The following CCDC15 variants were observed in gnomAD, a reference collection of about 807,000 sequenced individuals.
CCDC15 encodes coiled-coil domain containing 15.
Under a neutral mutation model 114.5 loss-of-function variants are expected in CCDC15, and 105 were observed. The observed-to-expected ratio is 0.92, with a 90% CI of 0.78 to 1.08. CCDC15 has a LOEUF of 1.08. Among genes scored for constraint, CCDC15 ranks in the 50% least tolerant of loss-of-function variants. The probability of loss-of-function intolerance (pLI) is 0.00; values close to 1 mark genes in which losing one functional copy is unlikely to be tolerated. For synonymous variants in CCDC15, 334 were observed against 377.8 expected, an observed-to-expected ratio of 0.88 and a Z score of 1.34; for missense variants, 1,105 against 1,093.6, an observed-to-expected ratio of 1.01 and a Z score of -0.15.
intron 13 of CCDC15, among the ~76,000 whole-genome samples, chr11:125,029,082 C>T (rs547104264): frequency 2.6e-5 from 4 of 152,218 alleles, no homozygotes; most frequent in Non-Finnish European, 4.4e-5. Flanking sequence ...GAGGCTAGGC[C>T]GGTCTTTCTT....
intron 4 of CCDC15, among the ~76,000 whole-genome samples, chr11:124,962,765 A>G (rs1947691544): frequency 6.6e-6 from 1 of 152,036 alleles, no homozygotes; most frequent in Admixed American, 6.6e-5. Context: ...TGTCATTTAC[A>G]TGAGGTATTT....
At position 124,986,667 on chromosome 11, in the gene CCDC15, CTGTGTG is replaced by C. The variant is rs146292043; in HGVS notation, c.754-57_754-52del. ...TTCTTCCTATAATAGCTACATGGTG[CTGTGTG>C]TGTGTGTGTGTGTGTGTTTGTGTGT... On this transcript the variant is annotated intron_variant, in intron 6 of 15. Transcript: ENST00000344762. 1.9e-4 allele frequency: 211 copies of C among 1,088,396 alleles called. 3 individuals carry two copies. The highest frequency in any genetic ancestry group is 2.3e-4 in the Non-Finnish European group (186 of 821,472). The allele number at this position is 1,088,396 out of a possible 1,614,324, so 67.4% of individuals were successfully genotyped here. A position where few individuals can be genotyped will look rare whatever the true frequency, so the allele number is the denominator to read the frequency against.
At chr11:125,015,192 C>T (rs1198333326) in intron 13 of CCDC15, among the ~76,000 whole-genome samples, 1 of 152,030 alleles carries the variant, frequency 6.6e-6, no homozygotes, top group African/African-American at 2.4e-5. Context: ...AACCTTCCAT[C>T]TTAAGCTTGG....
At chr11:124,966,653 T>C (rs923798919) in intron 4 of CCDC15, among the ~76,000 whole-genome samples, 1 of 152,232 alleles carries the variant, frequency 6.6e-6, no homozygotes, top group Non-Finnish European at 1.5e-5. Context: ...TTAAGGTTAA[T>C]ATTGTTATGT....
intron 12 of CCDC15, among the ~76,000 whole-genome samples, chr11:125,004,253 C>CT (rs1022403514): frequency 3.6e-4 from 54 of 148,632 alleles, no homozygotes; most frequent in African/African-American, 1.0e-3. Context: ...TTATGGCTTT[C>CT]TTTTTTTTTT....
chr11:124,972,478 C>T (rs965195585), intron 4 of CCDC15, among the ~76,000 whole-genome samples: 2 of 152,136 alleles, frequency 1.3e-5, no homozygotes, highest in African/African-American at 4.8e-5. Flanking sequence ...TGAATTATTG[C>T]ATAATTTAAT....
intron 13 of CCDC15, among the ~76,000 whole-genome samples, chr11:125,025,667 AT>A (rs1258677622): frequency 6.6e-6 from 1 of 152,012 alleles, no homozygotes; most frequent in African/African-American, 2.4e-5. Flanking sequence ...CTTTCAAAGA[AT>A]TTGTCATTTC....
chr11:125,017,217 A>G (rs1948634481), intron 13 of CCDC15, among the ~76,000 whole-genome samples: 1 of 152,176 alleles, frequency 6.6e-6, no homozygotes, highest in Non-Finnish European at 1.5e-5. Context: ...TTTAGCAGCT[A>G]TTTATTGAGC....
In CCDC15 at chr11:124,960,052, C is replaced by T. The variant is rs1947631646; in HGVS notation, c.516+49C>T. On this transcript the variant is annotated intron_variant, in intron 4 of 15. Transcript: ENST00000344762. The stretch of plus-strand genomic sequence containing the variant: ...TATGTCTATGATATTTTCCCTATCC[C>T]CTAAACTATAAATATGACATCTAGG... The T allele has an allele frequency of 3.5e-6, 5 of 1,409,724 alleles. No individual in the cohort carries two copies. In the East Asian group the frequency reaches 1.3e-4, roughly 35 times the overall value. 87.3% of individuals were successfully genotyped at this position (1,409,724 alleles called of 1,614,324 possible).
At chr11:124,994,150 G>A (rs1482021627) in intron 11 of CCDC15, among the ~76,000 whole-genome samples, 1 of 152,162 alleles carries the variant, frequency 6.6e-6, no homozygotes, top group Non-Finnish European at 1.5e-5. Flanking sequence ...GTATCTTTTA[G>A]AACTTATACA....
chr11:124,984,437 C>A (rs1259324594), intron 6 of CCDC15, among the ~76,000 whole-genome samples: 1 of 152,090 alleles, frequency 6.6e-6, no homozygotes, highest in Admixed American at 6.5e-5. Context: ...TAAAACTGGC[C>A]CTGTCTCACG....
At chr11:125,034,875 G>T (rs1948765560) in intron 13 of CCDC15, among the ~76,000 whole-genome samples, 1 of 151,916 alleles carries the variant, frequency 6.6e-6, no homozygotes, top group Non-Finnish European at 1.5e-5. Context: ...TATTACTCAG[G>T]ATTCTCTAGA....
chr11:125,006,751 T>G (rs531465262), intron 13 of CCDC15, among the ~76,000 whole-genome samples: 1 of 152,198 alleles, frequency 6.6e-6, no homozygotes, highest in Non-Finnish European at 1.5e-5. Context: ...TGTCCAGTTG[T>G]TCCAGCACCA....
intron 1 of CCDC15, 82 bp from the exon 2 acceptor site, chr11:124,954,642 G>A (rs1194734373): frequency 2.5e-6 from 3 of 1,217,850 alleles, no homozygotes; most frequent in East Asian, 2.4e-5. Context: ...TCCTTTTCAC[G>A]GGCCTGTGGC....
intron 13 of CCDC15, among the ~76,000 whole-genome samples, chr11:125,016,920 C>A (rs1948632864): frequency 6.6e-6 from 1 of 152,064 alleles, no homozygotes; most frequent in Non-Finnish European, 1.5e-5. Context: ...ATACTCTTGA[C>A]CTCAGAAAAA....
In CCDC15 at chr11:125,003,924, C is replaced by A; in HGVS notation, c.2272C>A (p.Gln758Lys). ...STEFQAPLAFQSDVDKEEDKK... is the reference protein window; with the variant it reads ...STEFQAPLAFKSDVDKEEDKK... Reference sequence around the variant, plus strand: ...TGAATTCCAAGCTCCACTGGCATTTCAGTCTGACGTGGATAAAGAAGAAGA... The same window carrying A: ...TGAATTCCAAGCTCCACTGGCATTTAAGTCTGACGTGGATAAAGAAGAAGA... Residue 758 changes from glutamine (Q) to lysine (K), a missense_variant, in exon 12 of 16, where the codon CAG (glutamine) becomes AAG (lysine). Physicochemically the swap from Gln to Lys is moderately conservative, Grantham distance 53. Coordinates refer to ENST00000344762, the MANE Select transcript of CCDC15 (RefSeq NM_025004.3). 1 of 1,561,418 alleles carries A rather than the reference C, an allele frequency of 6.4e-7. No individual in the cohort carries two copies. Among genetic ancestry groups the A allele is most frequent in the Admixed American group, 2.1e-5 (1 of 48,748 alleles).
intron 13 of CCDC15, among the ~76,000 whole-genome samples, chr11:125,021,853 CT>C (rs1271806826): frequency 6.6e-6 from 1 of 151,958 alleles, no homozygotes; most frequent in Non-Finnish European, 1.5e-5. Flanking sequence ...ACACCAGTAA[CT>C]AAGCTTTTCT....
chr11:124,980,395 G>T (rs1196354530), intron 6 of CCDC15, among the ~76,000 whole-genome samples: 1 of 152,106 alleles, frequency 6.6e-6, no homozygotes, highest in African/African-American at 2.4e-5. Context: ...GAATTTGTCT[G>T]GTCCTAGGCT....
chr11:124,979,761 C>CT (rs2135467522), intron 6 of CCDC15, among the ~76,000 whole-genome samples: 1 of 151,992 alleles, frequency 6.6e-6, no homozygotes, highest in African/African-American at 2.4e-5. Flanking sequence ...CATTTTTTTT[C>CT]TTTCTCTTGC....
Sources: allele counts gnomAD v4.1 joint callset (sites outside exome capture counted in the v4.1 genomes callset), GRCh38; gene constraint gnomAD v4.1.1; transcripts MANE v1.5; gene names NCBI Gene and HGNC (gene_info 2026-07-23, HGNC 2026-07-21).